CDH4: variants seen among roughly 807,000 people sequenced by gnomAD.
CDH4 encodes the protein cadherin-4.
Under a neutral mutation model 86.0 loss-of-function variants are expected in CDH4, and 33 were observed. That is an observed-to-expected ratio of 0.38 (90% confidence interval 0.29 to 0.51). The LOEUF (loss-of-function observed/expected upper bound fraction) is 0.51. Ranked by LOEUF, CDH4 falls within the 20% of genes least tolerant of loss-of-function variation. The pLI is 0.86. For missense variants in CDH4, 1,114 were observed against 1,307.4 expected, an observed-to-expected ratio of 0.85 and a Z score of 2.28; for synonymous variants, 555 against 549.4, an observed-to-expected ratio of 1.01 and a Z score of -0.14.
intron 2 of CDH4, among the ~76,000 whole-genome samples, chr20:61,265,021 C>T (rs963066347): frequency 3.0e-5 from 4 of 131,972 alleles, no homozygotes; most frequent in African/African-American, 8.6e-5. Flanking sequence ...TACACATACC[C>T]CAGTGGCTCC....
intron 2 of CDH4, among the ~76,000 whole-genome samples, chr20:61,331,634 C>CG (rs1568801110): frequency 1.5e-5 from 1 of 67,820 alleles, no homozygotes; most frequent in Non-Finnish European, 3.5e-5. Flanking sequence ...CCTCCTGCCC[C>CG]AGACCCACCT....
intron 3 of CDH4, among the ~76,000 whole-genome samples, chr20:61,770,686 A>G (rs1199230717): frequency 6.6e-6 from 1 of 152,176 alleles, no homozygotes; most frequent in African/African-American, 2.4e-5. Context: ...GATCGAGACC[A>G]TCCTGGCTAA....
chr20:61,387,645 T>C (rs2084959401), intron 2 of CDH4, among the ~76,000 whole-genome samples: 1 of 152,092 alleles, frequency 6.6e-6, no homozygotes, highest in African/African-American at 2.4e-5. Flanking sequence ...CACAAACACA[T>C]CCCGATGTCC....
At chr20:61,591,258 A>G (rs2086517682) in intron 2 of CDH4, among the ~76,000 whole-genome samples, 1 of 152,254 alleles carries the variant, frequency 6.6e-6, no homozygotes, top group Non-Finnish European at 1.5e-5. Context: ...AAACCCAGAC[A>G]TTTGAAAAGT....
chr20:61,573,318 C>G (rs2086358428), intron 2 of CDH4, among the ~76,000 whole-genome samples: 1 of 152,238 alleles, frequency 6.6e-6, no homozygotes, highest in Non-Finnish European at 1.5e-5. Context: ...AGTCCCTGGC[C>G]TGGTGGATGC....
At position 61,579,874 on chromosome 20, in the gene CDH4, C is replaced by T. The variant is rs1049923810; in HGVS notation, c.170-163689C>T. Among the ~76,000 whole-genome samples, 5 of 152,176 alleles carry T rather than the reference C, an allele frequency of 3.3e-5. No individual in the cohort carries two copies. The Middle Eastern group carries it at 0.01, about 311-fold the overall frequency. Reference sequence around the variant, plus strand: ...TCTATATTATAGTTATTCAAAAGCTCCTAGAGCCAAAAATGTACTGCCTTT... The same window carrying T: ...TCTATATTATAGTTATTCAAAAGCTTCTAGAGCCAAAAATGTACTGCCTTT... On this transcript the variant is annotated intron_variant, in intron 2 of 15. Transcript: ENST00000614565.
At chr20:61,693,861 C>T (rs60062306) in intron 2 of CDH4, among the ~76,000 whole-genome samples, 30,429 of 148,414 alleles carry the variant, frequency 0.21, 3,329 homozygotes, top group Admixed American at 0.27. Context: ...CTACTGAAAA[C>T]GCTTCTCAGA....
At chr20:61,887,660 A>G (rs1294188965) in intron 7 of CDH4, among the ~76,000 whole-genome samples, 3 of 152,192 alleles carry the variant, frequency 2.0e-5, no homozygotes, top group Non-Finnish European at 4.4e-5. Context: ...ACCGGCTCTG[A>G]TTGGATGACT....
intron 4 of CDH4, among the ~76,000 whole-genome samples, chr20:61,783,795 G>A (rs183334953): frequency 0.019 from 947 of 50,150 alleles, 91 homozygotes; most frequent in East Asian, 0.047. Context: ...AGGCCCTCAG[G>A]TGTCTTGTGC....
At chr20:61,536,166 C>G (rs2085995840) in intron 2 of CDH4, among the ~76,000 whole-genome samples, 1 of 152,194 alleles carries the variant, frequency 6.6e-6, no homozygotes, top group Non-Finnish European at 1.5e-5. Flanking sequence ...CAGGGAAGGG[C>G]TCTGCTCGGA....
intron 2 of CDH4, among the ~76,000 whole-genome samples, chr20:61,454,364 C>T (rs556120006): frequency 6.6e-6 from 1 of 152,218 alleles, no homozygotes; most frequent in South Asian, 2.1e-4. Flanking sequence ...ATGGGAGGGG[C>T]ACCCGGGTCA....
intron 2 of CDH4, among the ~76,000 whole-genome samples, chr20:61,342,027 T>C (rs2084651692): frequency 1.3e-5 from 2 of 152,174 alleles, no homozygotes; most frequent in African/African-American, 4.8e-5. Context: ...TGGGTGAGGC[T>C]GTTGGCAGCA....
Position 61,926,428 on chromosome 20 carries a change from C to T in CDH4, c.1772-1762C>T, listed in dbSNP as rs1320071737. 2.6e-5 allele frequency among the ~76,000 whole-genome samples: 4 copies of T among 152,330 alleles called. No homozygotes were observed. In the East Asian group the frequency reaches 5.8e-4, roughly 22 times the overall value. On this transcript the variant is annotated intron_variant, in intron 11 of 15. Transcript: ENST00000614565. ...CCCCCTGCCAGCCTCCCCCAGCCAGCGCTGCCTCCCCTGCCAGGGTCCACA... is the reference window on the plus strand; with the variant it reads ...CCCCCTGCCAGCCTCCCCCAGCCAGTGCTGCCTCCCCTGCCAGGGTCCACA...
intron 2 of CDH4, among the ~76,000 whole-genome samples, chr20:61,628,004 C>T (rs1856440326): frequency 6.6e-6 from 1 of 152,156 alleles, no homozygotes; most frequent in African/African-American, 2.4e-5. Context: ...CAGCACAAAG[C>T]CAACGTGCCC....
intron 2 of CDH4, among the ~76,000 whole-genome samples, chr20:61,304,859 TG>T (rs1158477017): frequency 3.0e-5 from 3 of 98,456 alleles, no homozygotes; most frequent in African/African-American, 7.7e-5. Flanking sequence ...GCACGTGTAT[TG>T]TGTGTGTGTG....
At chr20:61,330,152 GT>G (rs1281595058) in intron 2 of CDH4, among the ~76,000 whole-genome samples, 1 of 152,068 alleles carries the variant, frequency 6.6e-6, no homozygotes. Context: ...GAACATACGC[GT>G]GCATGTATCT....
At chr20:61,731,291 G>A (rs960615901) in intron 2 of CDH4, among the ~76,000 whole-genome samples, 4 of 152,028 alleles carry the variant, frequency 2.6e-5, no homozygotes, top group South Asian at 2.1e-4. Context: ...TCGGCCCCCC[G>A]GCGGCCCCTC....
intron 2 of CDH4, among the ~76,000 whole-genome samples, chr20:61,292,752 G>C (rs923557285): frequency 6.6e-6 from 1 of 152,272 alleles, no homozygotes; most frequent in African/African-American, 2.4e-5. Context: ...CCAGAAACAC[G>C]AGAAAATAGA....
At chr20:61,884,173 G>T (rs994665602) in intron 7 of CDH4, among the ~76,000 whole-genome samples, 1 of 152,158 alleles carries the variant, frequency 6.6e-6, no homozygotes, top group Non-Finnish European at 1.5e-5. Context: ...CTTGTGGGGC[G>T]CAGTGCAGAG....
Sources: gnomAD v4.1 joint callset for allele counts (sites outside exome capture counted in the v4.1 genomes callset) on GRCh38, gnomAD v4.1.1 for gene constraint, MANE v1.5 for transcripts, NCBI Gene and HGNC (gene_info 2026-07-23, HGNC 2026-07-21) for gene names.